The following ZNF208 variants were observed in gnomAD, a reference collection of about 807,000 sequenced individuals.
ZNF208 encodes zinc finger protein 208.
A neutral mutation model predicts 12.1 loss-of-function variants in ZNF208; 10 were observed. That is an observed-to-expected ratio of 0.83 (90% CI 0.51 to 1.40). The LOEUF (loss-of-function observed/expected upper bound fraction) is 1.40. Among genes scored for constraint, ZNF208 ranks in the 40% most tolerant of loss-of-function variants. ZNF208 has a pLI of 0.00. For synonymous variants in ZNF208, 497 were observed against 488.4 expected (o/e 1.02, Z -0.23); for missense variants, 1,652 against 1,485.0 (o/e 1.11, Z -1.85).
At chr19:21,992,915 C>G (rs1970766815) in intron 1 of ZNF208, among the ~76,000 whole-genome samples, 1 of 152,170 alleles carries the variant, frequency 6.6e-6, no homozygotes, top group African/African-American at 2.4e-5. Context: ...AGATCTTGAT[C>G]TGAGACATGT....
chr19:21,957,854 C>T (rs1382521812), intron 4 of ZNF208, among the ~76,000 whole-genome samples: 3 of 151,090 alleles, frequency 2.0e-5, no homozygotes, highest in Non-Finnish European at 2.9e-5. Context: ...TATTATTATA[C>T]TTTAAGTTTT....
Position 21,974,416 on chromosome 19 carries a change from A to G in ZNF208, c.618T>C (p.Gly206=), listed in dbSNP as rs755294836. Residue 206 remains glycine, a synonymous_variant, in exon 4 of 4, where the codon GGT becomes GGC. Transcript: ENST00000397126. ...TRENSYKCEE[G]GKAFNWSSTL... Reference sequence around the variant, plus strand: ...TTGAGGACCAGTTAAAAGCTTTGCCACCTTCTTCACATTTGTAGGAATTCT... The same window carrying G: ...TTGAGGACCAGTTAAAAGCTTTGCCGCCTTCTTCACATTTGTAGGAATTCT... 2 of 1,613,832 alleles carry G rather than the reference A, an allele frequency of 1.2e-6. No individual in the cohort carries two copies. Among genetic ancestry groups the G allele is most frequent in the South Asian group, 1.1e-5 (1 of 91,058 alleles).
intron 1 of ZNF208, among the ~76,000 whole-genome samples, chr19:22,000,792 G>A (rs1225044189): frequency 6.6e-6 from 1 of 151,502 alleles, no homozygotes; most frequent in East Asian, 1.9e-4. Flanking sequence ...TTTTAAAAAA[G>A]GTAAATAAAC....
rs58939967 is a variant in ZNF208 at position 22,001,892 on chromosome 19, C to CAAAAAAAAAAAAAAAAAAAAAA, written c.3+8878_3+8899dup. Among the ~76,000 whole-genome samples, 71 of 74,100 alleles carry CAAAAAAAAAAAAAAAAAAAAAA rather than the reference C, an allele frequency of 9.6e-4. 10 individuals are homozygous for CAAAAAAAAAAAAAAAAAAAAAA. The highest frequency in any genetic ancestry group is 1.3e-3 in the Non-Finnish European group (47 of 36,768). The allele number at this position is 74,100 out of a possible 152,430, so 48.6% of individuals were successfully genotyped here. A position where few individuals can be genotyped will look rare whatever the true frequency, so the allele number is the denominator to read the frequency against. Reference sequence around the variant, plus strand: ...TGGATGACACAGTGAGACTCCATCCCAAAAAAAAAAAAAAAAAAAAAAAAA... The same window carrying CAAAAAAAAAAAAAAAAAAAAAA: ...TGGATGACACAGTGAGACTCCATCCCAAAAAAAAAAAAAAAAAAAAAAAAAAAAAAAAAAAAAAAAAAAAAAA... On this transcript the variant is annotated intron_variant, in intron 1 of 3. Coordinates refer to ENST00000397126, the MANE Select transcript of ZNF208 (RefSeq NM_007153.3).
intron 1 of ZNF208, among the ~76,000 whole-genome samples, chr19:22,002,784 C>T (rs1970974779): frequency 6.6e-6 from 1 of 152,126 alleles, no homozygotes; most frequent in South Asian, 2.1e-4. Flanking sequence ...AATAAATTTA[C>T]AGATGTAATG....
At chr19:21,940,954 C>CCCGGGCTGGGCGA (rs1489616472) in intron 4 of ZNF208, 1 of 168,722 alleles carries the variant, frequency 5.9e-6, no homozygotes, top group Non-Finnish European at 1.3e-5. Flanking sequence ...CCGAGGCATC[C>CCCGGGCTGGGCGA]CCGGGCTGGG....
intron 4 of ZNF208, chr19:21,939,819 T>C (rs1202172579): frequency 6.6e-6 from 1 of 152,250 alleles, no homozygotes; most frequent in African/African-American, 2.4e-5. Flanking sequence ...ATTATGTTGG[T>C]GTTCAAGATT....
At position 21,973,751 on chromosome 19, in the gene ZNF208, T is replaced by C. The variant is rs376313011; in HGVS notation, c.1283A>G (p.Glu428Gly). The change falls in exon 4 of 4, where the codon GAA becomes GGA. Residue 428 changes from glutamate to glycine, a missense_variant. Physicochemically the swap from Glu to Gly is moderately conservative, Grantham distance 98. Coordinates refer to ENST00000397126, the MANE Select transcript of ZNF208 (RefSeq NM_007153.3). ...CCAGTTGAAAGCTTTGCCACATTCT[T>C]CACATTTGTAGGGTTTCTCTCCAGT... ...IHTGEKPYKC[E>G]ECGKAFNWSS... 33 of 1,606,128 alleles carry C rather than the reference T, an allele frequency of 2.1e-5. No individual in the cohort carries two copies. In the African/African-American group the frequency reaches 3.5e-4, roughly 17 times the overall value.
intron 4 of ZNF208, among the ~76,000 whole-genome samples, chr19:21,954,348 G>A (rs1479458559): frequency 6.6e-6 from 1 of 152,120 alleles, no homozygotes; most frequent in Non-Finnish European, 1.5e-5. Flanking sequence ...TGTCTATTAG[G>A]TCCACTTGTT....
At chr19:22,006,384 C>G (rs1045365263) in intron 1 of ZNF208, among the ~76,000 whole-genome samples, 1 of 151,642 alleles carries the variant, frequency 6.6e-6, no homozygotes, top group East Asian at 1.9e-4. Context: ...TTTTAATGTA[C>G]GTCTAACTGG....
At chr19:21,989,137 G>A (rs555936469) in intron 1 of ZNF208, among the ~76,000 whole-genome samples, 109 of 150,792 alleles carry the variant, frequency 7.2e-4, no homozygotes, top group Admixed American at 1.1e-3. Flanking sequence ...TGCAGAATGC[G>A]CAGGTTAATT....
chr19:21,977,976 C>A (rs1970464245), intron 3 of ZNF208, among the ~76,000 whole-genome samples: 1 of 152,196 alleles, frequency 6.6e-6, no homozygotes, highest in African/African-American at 2.4e-5. Flanking sequence ...GAAGATTGAA[C>A]TGGATGGAGC....
intron 3 of ZNF208, among the ~76,000 whole-genome samples, chr19:21,982,910 C>T (rs897968362): frequency 3.3e-5 from 5 of 152,036 alleles, no homozygotes; most frequent in Non-Finnish European, 4.4e-5. Flanking sequence ...CCATAAAAAC[C>T]GTAGAAGAAA....
Position 21,971,186 on chromosome 19 carries a change from C to T in ZNF208, c.*5G>A, listed in dbSNP as rs778588050. The T allele has an allele frequency of 8.1e-6, 13 of 1,612,206 alleles. No homozygotes were observed. The highest frequency in any genetic ancestry group is 1.3e-5 in the African/African-American group (1 of 74,754). On this transcript the variant is annotated 3_prime_UTR_variant, in exon 4 of 4. Transcript: ENST00000397126. ...CTTATAGGCTTTGCCACATTCTTCA[C>T]ATTTCTAGAGTTTCTCTCCAGTATG... is the stretch of plus-strand genomic sequence containing the variant.
rs774624306 is a variant in ZNF208, at chr19:21,980,048, C to T, written c.227-5241G>A. On this transcript the variant is annotated intron_variant, in intron 3 of 3. Coordinates refer to ENST00000397126, the MANE Select transcript of ZNF208 (RefSeq NM_007153.3). ...CTAACTATCCTAAATATATATGCAC[C>T]CAATACAGGAGCACCGAGAATCATA... Among the ~76,000 whole-genome samples, 24 of 151,798 alleles carry T rather than the reference C, an allele frequency of 1.6e-4. 1 individual carries two copies. Among genetic ancestry groups the T allele is most frequent in the South Asian group, 1.0e-3 (5 of 4,796 alleles).
chr19:21,975,823 C>CAAAAAAAAAAA (rs532995268), intron 3 of ZNF208, among the ~76,000 whole-genome samples: 2 of 26,408 alleles, frequency 7.6e-5, no homozygotes, highest in Non-Finnish European at 1.3e-4. Context: ...AGTCAAAGTC[C>CAAAAAAAAAAA]AAAAAAAAAA....
rs779981371 is a variant in ZNF208 at position 21,971,962 on chromosome 19, A to C, written c.3072T>G (p.Thr1024=). Reference sequence around the variant, plus strand: ...CTTCACATTTGTAGGGTGTCTCTCCAGTGTGAATTTTCTTATGTTCCATAA... The same window carrying C: ...CTTCACATTTGTAGGGTGTCTCTCCCGTGTGAATTTTCTTATGTTCCATAA... ...SNLMEHKKIH[T]GETPYKCEEC... The change falls in exon 4 of 4, where the codon ACT becomes ACG. Residue 1024 remains threonine (T), a synonymous_variant. Coordinates refer to ENST00000397126, the MANE Select transcript of ZNF208 (RefSeq NM_007153.3). The C allele has an allele frequency of 6.3e-7, 1 of 1,576,238 alleles. No homozygotes were observed. Among genetic ancestry groups the C allele is most frequent in the Non-Finnish European group, 8.6e-7 (1 of 1,156,524 alleles).
chr19:21,984,885 T>A (rs578017583), intron 3 of ZNF208, among the ~76,000 whole-genome samples: 1 of 152,142 alleles, frequency 6.6e-6, no homozygotes, highest in South Asian at 2.1e-4. Flanking sequence ...GGTATAAGGA[T>A]GAAAAATCAG....
chr19:21,966,380 A>G lies in ZNF208; in HGVS notation c.*4811T>C, dbSNP rs1459737489. ...TGGCATTTGTTTTTCTGATGCAATA[A>G]TTTGCTTAGAATGGCCTGAAGCAGA... is the stretch of plus-strand genomic sequence containing the variant. On this transcript the variant is annotated 3_prime_UTR_variant, in exon 4 of 4. Coordinates refer to ENST00000397126, the MANE Select transcript of ZNF208 (RefSeq NM_007153.3). 3 of 152,172 alleles carry G rather than the reference A, an allele frequency of 2.0e-5. No individual in the cohort carries two copies. Among genetic ancestry groups the G allele is most frequent in the Middle Eastern group, 3.4e-3 (1 of 294 alleles). The allele number at this position is 152,172 out of a possible 1,614,324, so 9.4% of individuals were successfully genotyped here.
Sources: gnomAD v4.1 joint callset for allele counts (sites outside exome capture counted in the v4.1 genomes callset) on GRCh38, gnomAD v4.1.1 for gene constraint, MANE v1.5 for transcripts, NCBI Gene and HGNC (gene_info 2026-07-23, HGNC 2026-07-21) for gene names.